Variants in CA1 observed in about 807,000 individuals in gnomAD.
CA1 encodes carbonic anhydrase 1, also known as carbonate dehydratase I.
A neutral mutation model predicts 28.8 loss-of-function variants in CA1; 27 were observed. The observed-to-expected ratio is 0.94, with a 90% CI of 0.69 to 1.29. CA1 has a LOEUF of 1.29. CA1 is among the 50% of genes most tolerant of loss of function. The pLI, the probability that CA1 is intolerant of heterozygous loss-of-function variation, is 0.00. For synonymous variants in CA1, 121 were observed against 108.8 expected (o/e 1.11, Z -0.70); for missense variants, 335 against 310.5 (o/e 1.08, Z -0.59).
chr8:85,351,255 C>A (rs1190271473), intron 1 of CA1, among the ~76,000 whole-genome samples: 1 of 152,198 alleles, frequency 6.6e-6, no homozygotes, highest in Non-Finnish European at 1.5e-5. Flanking sequence ...CTGGGTATGG[C>A]ACTCACTGTG....
At chr8:85,361,976 A>G (rs570577942) in intron 1 of CA1, among the ~76,000 whole-genome samples, 1 of 152,200 alleles carries the variant, frequency 6.6e-6, no homozygotes, top group Non-Finnish European at 1.5e-5. Context: ...GAAACAAATC[A>G]TCAAAAGTTT....
intron 4 of CA1, 65 bp from the exon 5 acceptor site, chr8:85,333,685 G>T (rs1808510149): frequency 9.9e-7 from 1 of 1,012,580 alleles, no homozygotes. Flanking sequence ...TAAGTTATAA[G>T]TTAACTTGTT....
At chr8:85,367,899 T>G (rs1163148491) in intron 1 of CA1, among the ~76,000 whole-genome samples, 1 of 152,186 alleles carries the variant, frequency 6.6e-6, no homozygotes, top group Non-Finnish European at 1.5e-5. Flanking sequence ...TTACATGTGC[T>G]GCGGTAGTAT....
intron 1 of CA1, among the ~76,000 whole-genome samples, chr8:85,373,705 C>T (rs1810313490): frequency 6.6e-6 from 1 of 152,028 alleles, no homozygotes; most frequent in Non-Finnish European, 1.5e-5. Flanking sequence ...TGTAACGTAT[C>T]CTCACAGATA....
chr8:85,339,257 C>T (rs941588346), intron 2 of CA1, among the ~76,000 whole-genome samples: 18 of 152,160 alleles, frequency 1.2e-4, no homozygotes, highest in Non-Finnish European at 2.9e-5. Context: ...TTTTCAACAG[C>T]ATGTGTTTAT....
At chr8:85,353,185 A>G (rs1345234037) in intron 1 of CA1, among the ~76,000 whole-genome samples, 1 of 152,256 alleles carries the variant, frequency 6.6e-6, no homozygotes, top group Non-Finnish European at 1.5e-5. Flanking sequence ...GTGCCACACT[A>G]ATAACTAACA....
At chr8:85,347,540 C>A (rs550250664) in intron 1 of CA1, among the ~76,000 whole-genome samples, 2 of 152,092 alleles carry the variant, frequency 1.3e-5, no homozygotes, top group Non-Finnish European at 2.9e-5. Flanking sequence ...GTGGGCTGGC[C>A]GCAAGTGAGG....
At chr8:85,371,963 A>G (rs1394685293) in intron 1 of CA1, among the ~76,000 whole-genome samples, 1 of 152,216 alleles carries the variant, frequency 6.6e-6, no homozygotes, top group Admixed American at 6.6e-5. Context: ...TGTTGAGGAC[A>G]GAAGATGAGT....
chr8:85,347,305 GTGAA>G (rs1809234012), intron 1 of CA1, among the ~76,000 whole-genome samples: 1 of 152,120 alleles, frequency 6.6e-6, no homozygotes, highest in East Asian at 1.9e-4. Context: ...CTTTATTTTT[GTGAA>G]TGGTCTTGGC....
intron 1 of CA1, among the ~76,000 whole-genome samples, chr8:85,376,522 C>T (rs1471648679): frequency 1.3e-5 from 2 of 150,928 alleles, no homozygotes; most frequent in African/African-American, 4.9e-5. Flanking sequence ...ATTAGACGGG[C>T]GTGGTGGCAC....
At chr8:85,376,379 G>A (rs950157666) in intron 1 of CA1, among the ~76,000 whole-genome samples, 1 of 151,228 alleles carries the variant, frequency 6.6e-6, no homozygotes, top group African/African-American at 2.4e-5. Flanking sequence ...TTGGGTAAGG[G>A]GGCCGGGCAC....
At chr8:85,331,255 T>A (rs1808381855) in intron 6 of CA1, among the ~76,000 whole-genome samples, 1 of 152,066 alleles carries the variant, frequency 6.6e-6, no homozygotes, top group Non-Finnish European at 1.5e-5. Flanking sequence ...TTATAAAAAA[T>A]TTTGTCTCTT....
chr8:85,347,873 G>A (rs1377893291), intron 1 of CA1, among the ~76,000 whole-genome samples: 3 of 152,122 alleles, frequency 2.0e-5, no homozygotes, highest in Non-Finnish European at 4.4e-5. Context: ...GAAGAGGGCG[G>A]GTCCTGATTA....
At chr8:85,349,264 A>G (rs535965766) in intron 1 of CA1, among the ~76,000 whole-genome samples, 1 of 152,300 alleles carries the variant, frequency 6.6e-6, no homozygotes, top group Admixed American at 6.5e-5. Context: ...GGAGGCTGAG[A>G]AAAACAAATA....
chr8:85,341,815 A>C, intron 1 of CA1, 156 bp from the exon 2 acceptor site: 1 of 553,840 alleles, frequency 1.8e-6, no homozygotes, highest in Non-Finnish European at 3.2e-6. Context: ...ATATCTAAAA[A>C]AAAGGTGTTG....
At chr8:85,363,640 C>T (rs1237616990) in intron 1 of CA1, among the ~76,000 whole-genome samples, 1 of 152,220 alleles carries the variant, frequency 6.6e-6, no homozygotes, top group Non-Finnish European at 1.5e-5. Flanking sequence ...ATCTTCACAA[C>T]CCCTCTGGTG....
At chr8:85,337,090 G>A (rs1409972535) in intron 3 of CA1, 27 bp from the exon 4 acceptor site, 13 of 1,218,568 alleles carry the variant, frequency 1.1e-5, no homozygotes, top group African/African-American at 4.5e-5. Context: ...CCGATTGTTA[G>A]CCTGATGCTC....
intron 1 of CA1, among the ~76,000 whole-genome samples, chr8:85,372,092 C>T (rs1810249216): frequency 6.6e-6 from 1 of 152,120 alleles, no homozygotes; most frequent in South Asian, 2.1e-4. Flanking sequence ...TTCACCAAAT[C>T]TTTAAAACAA....
At chr8:85,372,192 T>C (rs149811842) in intron 1 of CA1, among the ~76,000 whole-genome samples, 1 of 151,932 alleles carries the variant, frequency 6.6e-6, no homozygotes, top group East Asian at 1.9e-4. Flanking sequence ...AGAACTAAAG[T>C]TCAGACGCGA....
Sources: allele counts gnomAD v4.1 joint callset (sites outside exome capture counted in the v4.1 genomes callset), GRCh38; gene constraint gnomAD v4.1.1; transcripts MANE v1.5; gene names NCBI Gene and HGNC (gene_info 2026-07-23, HGNC 2026-07-21).